The following RPS6KC1 variants were observed in gnomAD, a reference collection of about 807,000 sequenced individuals.
RPS6KC1 encodes inactive ribosomal protein S6 kinase delta-1.
RPS6KC1 carries 54 observed loss-of-function variants against 103.8 expected under a neutral mutation model. The observed-to-expected ratio is 0.52, with a 90% CI of 0.42 to 0.65. The LOEUF is 0.65. RPS6KC1 is among the 30% of genes least tolerant of loss of function. The pLI, the probability that RPS6KC1 is intolerant of heterozygous loss-of-function variation, is 0.00. For missense variants in RPS6KC1, 1,151 were observed against 1,253.8 expected, an observed-to-expected ratio of 0.92 and a Z score of 1.24; for synonymous variants, 439 against 438.7, an observed-to-expected ratio of 1.00 and a Z score of -0.01.
At chr1:213,323,771 TACTCCGTG>T in the RPS6KC1 span, among the ~76,000 whole-genome samples, 3 of 152,226 alleles carry the variant, frequency 2.0e-5, no homozygotes, top group Non-Finnish European at 2.9e-5. Flanking sequence ...ATTTTTCATT[TACTCCGTG>T]ACCCTACTCA....
chr1:213,540,538 A>G, the RPS6KC1 span, among the ~76,000 whole-genome samples: 1 of 151,982 alleles, frequency 6.6e-6, no homozygotes, highest in African/African-American at 2.4e-5. Flanking sequence ...TTTGATAGAG[A>G]TGGGGTTTTG....
the RPS6KC1 span, among the ~76,000 whole-genome samples, chr1:213,370,857 T>C: frequency 6.6e-6 from 1 of 152,112 alleles, no homozygotes; most frequent in Non-Finnish European, 1.5e-5. Flanking sequence ...GCAGTGGCAT[T>C]GAGTACCAGA....
intron 3 of RPS6KC1, among the ~76,000 whole-genome samples, chr1:213,094,279 A>G (rs1225141121): frequency 1.3e-5 from 2 of 152,108 alleles, no homozygotes; most frequent in South Asian, 2.1e-4. Context: ...TGTTTCTGCT[A>G]TGATCATAAT....
chr1:213,780,121 G>C, the RPS6KC1 span, among the ~76,000 whole-genome samples: 4 of 152,128 alleles, frequency 2.6e-5, no homozygotes, highest in African/African-American at 9.7e-5. Context: ...GAATTTTTCA[G>C]AAGGAAAAAT....
chr1:213,198,650 G>T (rs2093041759), intron 8 of RPS6KC1, among the ~76,000 whole-genome samples: 1 of 152,196 alleles, frequency 6.6e-6, no homozygotes, highest in African/African-American at 2.4e-5. Flanking sequence ...GGGAAGAATA[G>T]ACTACTGAGT....
At chr1:213,185,255 A>C (rs943365775) in intron 8 of RPS6KC1, among the ~76,000 whole-genome samples, 1 of 151,958 alleles carries the variant, frequency 6.6e-6, no homozygotes, top group Non-Finnish European at 1.5e-5. Context: ...CCACCCCTTC[A>C]CTTTCAGTCT....
chr1:213,558,625 G>A, the RPS6KC1 span, among the ~76,000 whole-genome samples: 1 of 152,208 alleles, frequency 6.6e-6, no homozygotes, highest in Non-Finnish European at 1.5e-5. Flanking sequence ...ATCACGCACT[G>A]TTAAAATAAG....
chr1:213,836,492 T>C, the RPS6KC1 span, among the ~76,000 whole-genome samples: 1 of 152,054 alleles, frequency 6.6e-6, no homozygotes, highest in Admixed American at 6.5e-5. Flanking sequence ...TTCCTCTTCT[T>C]CTTCCCACTC....
the RPS6KC1 span, among the ~76,000 whole-genome samples, chr1:213,375,426 T>G: frequency 1.3e-5 from 2 of 152,150 alleles, no homozygotes; most frequent in Admixed American, 6.5e-5. Context: ...CTGTTGTAAG[T>G]GAATTAAGGT....
the RPS6KC1 span, among the ~76,000 whole-genome samples, chr1:213,694,977 G>A: frequency 6.6e-6 from 1 of 152,176 alleles, no homozygotes; most frequent in Non-Finnish European, 1.5e-5. Context: ...GAGGCACAGA[G>A]ATTGTTGGGG....
At chr1:213,151,174 C>T (rs558117754) in intron 6 of RPS6KC1, among the ~76,000 whole-genome samples, 30 of 138,944 alleles carry the variant, frequency 2.2e-4, no homozygotes, top group Middle Eastern at 3.7e-3. Flanking sequence ...GGGGGGCTGA[C>T]CCCCCCACCT....
At chr1:213,635,062 A>G in the RPS6KC1 span, among the ~76,000 whole-genome samples, 2 of 152,178 alleles carry the variant, frequency 1.3e-5, no homozygotes, top group East Asian at 3.9e-4. Flanking sequence ...CCCTCCCAAA[A>G]CTAACCCAGG....
At chr1:213,572,082 C>T in the RPS6KC1 span, among the ~76,000 whole-genome samples, 1 of 152,138 alleles carries the variant, frequency 6.6e-6, no homozygotes, top group Non-Finnish European at 1.5e-5. Flanking sequence ...CGAGGGGATG[C>T]AGAGAGGCAA....
chr1:213,669,908 T>C, the RPS6KC1 span, among the ~76,000 whole-genome samples: 9 of 152,150 alleles, frequency 5.9e-5, no homozygotes, highest in African/African-American at 2.2e-4. Flanking sequence ...CTCAGCCCAG[T>C]CTGGCCCTCC....
the RPS6KC1 span, among the ~76,000 whole-genome samples, chr1:213,708,035 G>C: frequency 1.3e-5 from 2 of 152,040 alleles, no homozygotes; most frequent in Non-Finnish European, 2.9e-5. Flanking sequence ...GCTCTTTTTT[G>C]GTTCCATATA....
intron 8 of RPS6KC1, among the ~76,000 whole-genome samples, chr1:213,196,123 C>A (rs115722226): frequency 0.011 from 1,705 of 152,160 alleles, 37 homozygotes; most frequent in African/African-American, 0.037. Context: ...CCCTTTTCAC[C>A]ACATCCACAC....
chr1:213,278,075 C>T (rs114252277), downstream of RPS6KC1, among the ~76,000 whole-genome samples: 663 of 151,858 alleles, frequency 4.4e-3, 8 homozygotes, highest in African/African-American at 0.015. Flanking sequence ...CACGGTGGCA[C>T]GAACCTATAG....
the RPS6KC1 span, among the ~76,000 whole-genome samples, chr1:213,810,567 A>G: frequency 6.6e-6 from 1 of 152,208 alleles, no homozygotes; most frequent in Non-Finnish European, 1.5e-5. Flanking sequence ...CCTACAAAGT[A>G]AAGTTGCAGA....
chr1:213,637,898 C>G, the RPS6KC1 span, among the ~76,000 whole-genome samples: 1 of 152,032 alleles, frequency 6.6e-6, no homozygotes, highest in Non-Finnish European at 1.5e-5. Flanking sequence ...CTCACTAAAG[C>G]TTTGACCTCC....
Sources: allele counts gnomAD v4.1 joint callset (sites outside exome capture counted in the v4.1 genomes callset), GRCh38; gene constraint gnomAD v4.1.1; transcripts MANE v1.5; gene names NCBI Gene and HGNC (gene_info 2026-07-23, HGNC 2026-07-21).